NEK4: variants seen among roughly 807,000 people sequenced by gnomAD.
NEK4 encodes serine/threonine-protein kinase Nek4.
A neutral mutation model predicts 98.4 loss-of-function variants in NEK4; 86 were observed. The observed-to-expected ratio is 0.87, with a 90% CI of 0.73 to 1.05. The LOEUF is 1.05. Among genes scored for constraint, NEK4 ranks in the 50% least tolerant of loss-of-function variants. The pLI is 0.00. For missense variants in NEK4, 898 were observed against 950.3 expected (o/e 0.94, Z 0.72); for synonymous variants, 328 against 342.2 (o/e 0.96, Z 0.46).
intron 6 of NEK4, chr3:52,753,776 G>A (rs1042221621): frequency 1.9e-6 from 1 of 533,444 alleles, no homozygotes; most frequent in South Asian, 1.4e-5. Context: ...ATTTACCTTG[G>A]TTGCGGAGCA....
intron 6 of NEK4, chr3:52,753,652 C>G: frequency 1.7e-6 from 1 of 586,170 alleles, no homozygotes; most frequent in Non-Finnish European, 3.4e-6. Flanking sequence ...CTTCTATTCC[C>G]AAAAATGCTT....
intron 5 of NEK4, among the ~76,000 whole-genome samples, chr3:52,761,605 G>A (rs778984959): frequency 5.3e-5 from 8 of 152,216 alleles, no homozygotes; most frequent in East Asian, 1.9e-4. Context: ...GTAATATTTC[G>A]ATGTTGGTTT....
chr3:52,745,120 T>C (rs1256143319), intron 10 of NEK4, among the ~76,000 whole-genome samples: 1 of 151,764 alleles, frequency 6.6e-6, no homozygotes. Flanking sequence ...GGGGTTTCAC[T>C]GTGTTAGCCA....
At chr3:52,718,472 CAAAAAAAA>C (rs35974184) in intron 15 of NEK4, among the ~76,000 whole-genome samples, 1 of 92,434 alleles carries the variant, frequency 1.1e-5, no homozygotes, top group Non-Finnish European at 2.2e-5. Context: ...GACTCCGTCT[CAAAAAAAA>C]AAAAAAAAAA....
At chr3:52,768,881 A>G (rs987850021) in intron 1 of NEK4, among the ~76,000 whole-genome samples, 6 of 152,344 alleles carry the variant, frequency 3.9e-5, no homozygotes, top group African/African-American at 1.4e-4. Flanking sequence ...AAGTGAGTTC[A>G]AGATAACATA....
At position 52,711,585 on chromosome 3, in the gene NEK4, TTTC is replaced by T; in HGVS notation, c.*189_*191del. 1 of 430,034 alleles carries T rather than the reference TTTC, an allele frequency of 2.3e-6. No homozygotes were observed. Among genetic ancestry groups the T allele is most frequent in the Non-Finnish European group, 4.2e-6 (1 of 240,782 alleles). The allele number at this position is 430,034 out of a possible 1,614,324, so 26.6% of individuals were successfully genotyped here. On this transcript the variant is annotated 3_prime_UTR_variant, in exon 16 of 16. Coordinates refer to ENST00000233027, the MANE Select transcript of NEK4 (RefSeq NM_003157.6). ...AGAGAATATGAAAGCCAAAGTTTTT[TTTC>T]TTTTGTGATCCTGCTTCATATTATT...
At chr3:52,731,555 T>C (rs1268723369) in intron 15 of NEK4, among the ~76,000 whole-genome samples, 2 of 152,190 alleles carry the variant, frequency 1.3e-5, no homozygotes, top group African/African-American at 4.8e-5. Flanking sequence ...AAAATAGTCT[T>C]TGCAACACAT....
intron 15 of NEK4, among the ~76,000 whole-genome samples, chr3:52,717,870 A>T (rs1157683353): frequency 6.6e-6 from 1 of 151,806 alleles, no homozygotes; most frequent in Non-Finnish European, 1.5e-5. Flanking sequence ...GCTCACTGCA[A>T]CCTCTGCCCC....
chr3:52,765,581 C>T (rs934179799), intron 4 of NEK4, among the ~76,000 whole-genome samples: 13 of 152,140 alleles, frequency 8.5e-5, no homozygotes, highest in African/African-American at 3.1e-4. Flanking sequence ...TCATAGGCTG[C>T]TTAGAAGAAG....
chr3:52,709,559 G>C lies in NEK4; in HGVS notation c.*2218C>G, dbSNP rs1230670725. ...CACAAAAAATTTTAAAAATTAGCCA[G>C]GTGTGGTGGTGCATGCCTGTGGTCC... On this transcript the variant is annotated 3_prime_UTR_variant, in exon 16 of 16. Transcript: ENST00000233027. 6.6e-6 allele frequency: 1 copy of C among 151,878 alleles called. No individual in the cohort carries two copies. Among genetic ancestry groups the C allele is most frequent in the Non-Finnish European group, 1.5e-5 (1 of 68,022 alleles). The allele number at this position is 151,878 out of a possible 1,614,324, so 9.4% of individuals were successfully genotyped here. A position where few individuals can be genotyped will look rare whatever the true frequency, so the allele number is the denominator to read the frequency against.
At chr3:52,731,069 T>C (rs1037762104) in intron 15 of NEK4, among the ~76,000 whole-genome samples, 5 of 152,178 alleles carry the variant, frequency 3.3e-5, no homozygotes, top group Non-Finnish European at 5.9e-5. Context: ...TTTAAAAAAA[T>C]GTATATATTG....
intron 11 of NEK4, 67 bp downstream of exon 11, chr3:52,744,172 C>G (rs370666597): frequency 1.8e-6 from 2 of 1,113,674 alleles, no homozygotes; most frequent in African/African-American, 3.1e-5. Context: ...ATAGTTAGAA[C>G]CAGTGTTTCT....
chr3:52,729,513 A>G (rs1302443276), intron 15 of NEK4, among the ~76,000 whole-genome samples: 1 of 152,060 alleles, frequency 6.6e-6, no homozygotes, highest in Non-Finnish European at 1.5e-5. Context: ...GTTCAAGACC[A>G]GACTGGCCAA....
intron 7 of NEK4, among the ~76,000 whole-genome samples, chr3:52,751,538 T>C (rs564707758): frequency 4.0e-5 from 6 of 149,148 alleles, no homozygotes; most frequent in Admixed American, 1.3e-4. Flanking sequence ...TAAGAACTGC[T>C]TGAACCCAGG....
chr3:52,726,766 C>T (rs531747255), intron 15 of NEK4, among the ~76,000 whole-genome samples: 499 of 151,796 alleles, frequency 3.3e-3, no homozygotes, highest in Admixed American at 7.9e-3. Flanking sequence ...ATTATCTGGG[C>T]GTGGTGGCAG....
chr3:52,752,188 G>A lies in NEK4; in HGVS notation c.1112C>T (p.Pro371Leu). 1 of 1,614,156 alleles carries A rather than the reference G, an allele frequency of 6.2e-7. No homozygotes were observed. The highest frequency in any genetic ancestry group is 8.5e-7 in the Non-Finnish European group (1 of 1,180,032). The stretch of plus-strand genomic sequence containing the variant: ...ACTCACTGAATCCCTCCCTTTTGCA[G>A]GTAAGATGTCAATATTTACGCTACT... ...TISSVNIDIL[P>L]AKGRDSVSDG... The change falls in exon 7 of 16, where the codon CCT (proline) becomes CTT (leucine). Residue 371 changes from proline to leucine, a missense_variant. Physicochemically the swap from Pro to Leu is moderately conservative, Grantham distance 98 (BLOSUM62 -3). Coordinates refer to ENST00000233027, the MANE Select transcript of NEK4 (RefSeq NM_003157.6).
intron 6 of NEK4, among the ~76,000 whole-genome samples, chr3:52,759,179 G>A (rs1698253281): frequency 6.6e-6 from 1 of 151,732 alleles, no homozygotes; most frequent in East Asian, 1.9e-4. Flanking sequence ...AGCCAAGGTG[G>A]GAGGACCTCC....
At chr3:52,744,461 A>T (rs2097392326) in intron 10 of NEK4, among the ~76,000 whole-genome samples, 156 bp from the exon 11 acceptor site, 2 of 152,150 alleles carry the variant, frequency 1.3e-5, no homozygotes, top group Non-Finnish European at 2.9e-5. Flanking sequence ...TGGGGTGGGC[A>T]GATCACCAGG....
intron 8 of NEK4, chr3:52,747,596 C>A (rs2154104675): frequency 6.6e-6 from 1 of 152,224 alleles, no homozygotes; most frequent in African/African-American, 2.4e-5. Context: ...ATAATGAAGT[C>A]TTTTGAACAT....
Sources: allele counts gnomAD v4.1 joint callset (sites outside exome capture counted in the v4.1 genomes callset), GRCh38; gene constraint gnomAD v4.1.1; transcripts MANE v1.5; gene names NCBI Gene and HGNC (gene_info 2026-07-23, HGNC 2026-07-21).